Variants in YLPM1 observed in about 807,000 individuals in gnomAD.
YLPM1 encodes YLP motif containing 1, also known as YLP motif-containing protein 1.
Under a neutral mutation model 230.0 loss-of-function variants are expected in YLPM1, and 99 were observed. The observed-to-expected ratio is 0.43, with a 90% CI of 0.37 to 0.51. The LOEUF (loss-of-function observed/expected upper bound fraction) is 0.51. Ranked by LOEUF, YLPM1 falls within the 20% of genes least tolerant of loss-of-function variation. The pLI, the probability that YLPM1 is intolerant of heterozygous loss-of-function variation, is 0.00. For missense variants in YLPM1, 2,592 were observed against 2,707.7 expected (o/e 0.96, Z 0.95); for synonymous variants, 984 against 942.5 (o/e 1.04, Z -0.81).
At chr14:74,801,502 C>A (rs1463945167) in intron 5 of YLPM1, among the ~76,000 whole-genome samples, 1 of 152,036 alleles carries the variant, frequency 6.6e-6, no homozygotes, top group African/African-American at 2.4e-5. Flanking sequence ...AAAGAAAAAA[C>A]CGAAGGATTA....
chr14:74,829,901 A>G (rs1031376848), intron 19 of YLPM1, among the ~76,000 whole-genome samples: 7 of 152,204 alleles, frequency 4.6e-5, no homozygotes, highest in South Asian at 2.1e-4. Context: ...TGACTGTTGG[A>G]TTTATTAGTA....
chr14:74,773,519 A>G (rs1195190559), intron 1 of YLPM1, among the ~76,000 whole-genome samples: 1 of 152,194 alleles, frequency 6.6e-6, no homozygotes, highest in East Asian at 1.9e-4. Context: ...GTATCTTTTA[A>G]TAATGCTTTC....
intron 4 of YLPM1, among the ~76,000 whole-genome samples, chr14:74,782,617 T>C (rs926888659): frequency 6.6e-6 from 1 of 152,232 alleles, no homozygotes. Context: ...AAAAATAATA[T>C]TAAACTTTAT....
chr14:74,774,617 A>G (rs2091014208), intron 1 of YLPM1, among the ~76,000 whole-genome samples: 1 of 152,136 alleles, frequency 6.6e-6, no homozygotes, highest in African/African-American at 2.4e-5. Context: ...CGTGTTAGCC[A>G]GGATGGTCTT....
chr14:74,774,142 C>T (rs2091007980), intron 1 of YLPM1, among the ~76,000 whole-genome samples: 1 of 152,218 alleles, frequency 6.6e-6, no homozygotes, highest in African/African-American at 2.4e-5. Context: ...TTTAATACAC[C>T]TAGCCTACTG....
At chr14:74,794,764 TACACAC>T (rs58830379) in intron 4 of YLPM1, among the ~76,000 whole-genome samples, 37 of 150,486 alleles carry the variant, frequency 2.5e-4, no homozygotes, top group African/African-American at 5.1e-4. Context: ...ATTTGGTTAA[TACACAC>T]ACACACACAC....
chr14:74,769,236 G>A (rs559036625), intron 1 of YLPM1, among the ~76,000 whole-genome samples: 53 of 142,230 alleles, frequency 3.7e-4, no homozygotes, highest in East Asian at 2.4e-3. Context: ...CACCACGCCC[G>A]GCTAATTTTT....
Position 74,798,218 on chromosome 14 carries a change from C to T in YLPM1, c.2921C>T (p.Ser974Leu). The T allele has an allele frequency of 6.2e-7, 1 of 1,613,988 alleles. No homozygotes were observed. Among genetic ancestry groups the T allele is most frequent in the Non-Finnish European group, 8.5e-7 (1 of 1,179,900 alleles). Reference protein sequence around the residue: ...GMEGGTAVATSSLTADNDFKP... With the variant: ...GMEGGTAVATLSLTADNDFKP... The stretch of plus-strand genomic sequence containing the variant: ...GAGGGAGGAACAGCAGTAGCAACAT[C>T]ATCATTAACAGCAGATAATGATTTT... Residue 974 changes from serine to leucine, a missense_variant, in exon 5 of 21, where the codon TCA becomes TTA. Around this residue, in one of 4 missense-constraint regions of YLPM1, gnomAD observed 1,862 missense variants for 1,819.8 expected, o/e 1.02. Coordinates refer to ENST00000325680, the MANE Select transcript of YLPM1 (RefSeq NM_019589.3).
At chr14:74,786,025 T>C (rs916181422) in intron 4 of YLPM1, among the ~76,000 whole-genome samples, 1 of 152,066 alleles carries the variant, frequency 6.6e-6, no homozygotes, top group Non-Finnish European at 1.5e-5. Flanking sequence ...AACAGAGAAG[T>C]GCACAATTTT....
chr14:74,781,449 A>G lies in YLPM1; in HGVS notation c.1406A>G (p.Tyr469Cys), dbSNP rs45550132. ...FQLWEEQLHS[Y>C]PHKDQLQEYE... ...CTATGGGAGGAACAACTCCATTCCTATCCTCATAAAGATCAGCTTCAGGAG... is the reference window on the plus strand; with the variant it reads ...CTATGGGAGGAACAACTCCATTCCTGTCCTCATAAAGATCAGCTTCAGGAG... Residue 469 changes from tyrosine (Y) to cysteine (C), a missense_variant, in exon 4 of 21, where the codon TAT becomes TGT. Physicochemically the swap from Tyr to Cys is radical, Grantham distance 194 (BLOSUM62 -2). Transcript: ENST00000325680. 72 of 1,612,280 alleles carry G rather than the reference A, an allele frequency of 4.5e-5. No homozygotes were observed. The highest frequency in any genetic ancestry group is 5.5e-5 in the Non-Finnish European group (65 of 1,179,056).
At chr14:74,786,234 C>T (rs553646270) in intron 4 of YLPM1, among the ~76,000 whole-genome samples, 9 of 151,710 alleles carry the variant, frequency 5.9e-5, no homozygotes, top group Admixed American at 3.3e-4. Flanking sequence ...TGGTAACATG[C>T]GCCTGTAGTC....
chr14:74,764,639 ATCC>A (rs2090893444), intron 1 of YLPM1, among the ~76,000 whole-genome samples: 1 of 152,230 alleles, frequency 6.6e-6, no homozygotes. Context: ...TTCTTTGACC[ATCC>A]TCTTAGATTT....
intron 4 of YLPM1, among the ~76,000 whole-genome samples, chr14:74,784,725 A>T (rs1040412458): frequency 4.6e-5 from 7 of 152,360 alleles, no homozygotes; most frequent in African/African-American, 1.7e-4. Context: ...GCAACACAGA[A>T]TGAATTATCC....
intron 1 of YLPM1, among the ~76,000 whole-genome samples, chr14:74,775,183 A>G (rs1241446525): frequency 6.6e-6 from 1 of 152,182 alleles, no homozygotes; most frequent in East Asian, 1.9e-4. Context: ...GATTGGAACA[A>G]GTTTCAGGTA....
In YLPM1 at chr14:74,770,902, G is replaced by C. The variant is rs778273917; in HGVS notation, c.873+6540G>C. Among the ~76,000 whole-genome samples, 8 of 152,308 alleles carry C rather than the reference G, an allele frequency of 5.3e-5. No individual in the cohort carries two copies. In the East Asian group the frequency reaches 1.3e-3, roughly 26 times the overall value. The stretch of plus-strand genomic sequence containing the variant: ...TGATTTAGAGAGAATAGTTATTGAA[G>C]TAATCCAGGCAAGAGATAATAGTGG... On this transcript the variant is annotated intron_variant, in intron 1 of 20. Coordinates refer to ENST00000325680, the MANE Select transcript of YLPM1 (RefSeq NM_019589.3).
intron 4 of YLPM1, among the ~76,000 whole-genome samples, chr14:74,792,549 A>C (rs2091217408): frequency 6.6e-6 from 1 of 152,176 alleles, no homozygotes; most frequent in African/African-American, 2.4e-5. Context: ...CCAAATGGCC[A>C]CCCACTGCTC....
At chr14:74,795,470 GTC>G (rs2091250727) in intron 4 of YLPM1, among the ~76,000 whole-genome samples, 1 of 152,192 alleles carries the variant, frequency 6.6e-6, no homozygotes, top group Non-Finnish European at 1.5e-5. Flanking sequence ...AGGCATCACT[GTC>G]TACTACTCAG....
intron 11 of YLPM1, among the ~76,000 whole-genome samples, chr14:74,813,820 C>T (rs139812681): frequency 1.3e-5 from 2 of 152,166 alleles, no homozygotes; most frequent in South Asian, 2.1e-4. Flanking sequence ...CGTCTTGTAT[C>T]CTGCAATACC....
rs1277511340 is a variant in YLPM1, at chr14:74,809,795, G to A, written c.4937G>A (p.Arg1646Gln). 5.6e-6 allele frequency: 9 copies of A among 1,613,742 alleles called. No homozygotes were observed. The highest frequency in any genetic ancestry group is 1.3e-5 in the African/African-American group (1 of 75,036). Residue 1646 changes from arginine to glutamine, a missense_variant and splice_region_variant, in exon 7 of 21, where the codon CGA (arginine) becomes CAA (glutamine). By Grantham distance (43) the Arg-to-Gln change is conservative. Transcript: ENST00000325680. ...VQQTVDYGHG[R>Q]DISTNKVEQI... The stretch of plus-strand genomic sequence containing the variant: ...CAGACTGTTGATTATGGCCATGGCC[G>A]AGGTGAGTAATGATAGTGCACTTGT...
Sources: allele counts gnomAD v4.1 joint callset (sites outside exome capture counted in the v4.1 genomes callset), GRCh38; gene constraint gnomAD v4.1.1; regional missense constraint gnomAD v4.1.1; transcripts MANE v1.5; gene names NCBI Gene and HGNC (gene_info 2026-07-23, HGNC 2026-07-21).